KATNBL1: variants seen among roughly 807,000 people sequenced by gnomAD.
KATNBL1 encodes the protein KATNB1-like protein 1.
Under a neutral mutation model 44.7 loss-of-function variants are expected in KATNBL1, and 28 were observed. The ratio of observed to expected loss-of-function variants is 0.63; its 90% confidence interval spans 0.46 to 0.86. The LOEUF is 0.86. KATNBL1 is among the 40% of genes least tolerant of loss of function. The probability of loss-of-function intolerance (pLI) is 0.00; values close to 1 mark genes in which losing one functional copy is unlikely to be tolerated. For synonymous variants in KATNBL1, 78 were observed against 114.9 expected (o/e 0.68, Z 2.06); for missense variants, 272 against 350.7 (o/e 0.78, Z 1.79).
chr15:34,151,436 CTTTTTTTTTTTT>C (rs58824450), intron 4 of KATNBL1, among the ~76,000 whole-genome samples: 39 of 60,706 alleles, frequency 6.4e-4, no homozygotes, highest in African/African-American at 1.7e-3. Flanking sequence ...CCTTTGCCTA[CTTTTTTTTTTTT>C]TTTTTTTTTT....
intron 1 of KATNBL1, among the ~76,000 whole-genome samples, chr15:34,192,526 A>T (rs537425226): frequency 2.1e-4 from 32 of 152,344 alleles, no homozygotes; most frequent in Admixed American, 1.8e-3. Context: ...CTGCAATGAT[A>T]CAGAGAAAAT....
At chr15:34,184,216 G>A (rs1889650068) in intron 1 of KATNBL1, among the ~76,000 whole-genome samples, 1 of 151,916 alleles carries the variant, frequency 6.6e-6, no homozygotes, top group Non-Finnish European at 1.5e-5. Context: ...TGAGGCAGGA[G>A]AATGGCGTGA....
chr15:34,170,269 A>T (rs573235808), intron 1 of KATNBL1, among the ~76,000 whole-genome samples: 10 of 152,358 alleles, frequency 6.6e-5, no homozygotes, highest in African/African-American at 2.4e-4. Flanking sequence ...ATGTGCAAAA[A>T]TCAAAAGCAT....
chr15:34,181,831 CAT>C (rs1428690100), intron 1 of KATNBL1, among the ~76,000 whole-genome samples: 1 of 73,264 alleles, frequency 1.4e-5, no homozygotes, highest in Admixed American at 1.5e-4. Flanking sequence ...CATATATATC[CAT>C]ATATATACAC....
chr15:34,186,113 G>A (rs779431873), intron 1 of KATNBL1, among the ~76,000 whole-genome samples: 19 of 152,088 alleles, frequency 1.2e-4, no homozygotes, highest in African/African-American at 4.3e-4. Flanking sequence ...TTAGTCCCTC[G>A]ATCATGGGGA....
intron 9 of KATNBL1, chr15:34,143,082 A>G (rs1888197588): frequency 1.7e-6 from 2 of 1,156,446 alleles, no homozygotes; most frequent in African/African-American, 1.6e-5. Context: ...AAGTCTCATC[A>G]TAAGGAACTT....
At chr15:34,190,078 G>A (rs914891691) in intron 1 of KATNBL1, among the ~76,000 whole-genome samples, 3 of 151,926 alleles carry the variant, frequency 2.0e-5, no homozygotes, top group Admixed American at 2.0e-4. Context: ...CTGAGTAGCT[G>A]GGACTACAGG....
chr15:34,165,456 GAGA>G (rs368602489), intron 1 of KATNBL1, among the ~76,000 whole-genome samples: 40 of 152,240 alleles, frequency 2.6e-4, no homozygotes, highest in African/African-American at 9.4e-4. Context: ...ACAAAGACAG[GAGA>G]AGTTCAGGTG....
intron 2 of KATNBL1, among the ~76,000 whole-genome samples, chr15:34,156,753 T>C (rs547604147): frequency 1.3e-5 from 2 of 152,268 alleles, no homozygotes; most frequent in South Asian, 2.1e-4. Flanking sequence ...AGAAGGAAAT[T>C]GGCTTAGAGA....
At chr15:34,189,409 A>G (rs28375867) in intron 1 of KATNBL1, among the ~76,000 whole-genome samples, 30,783 of 152,204 alleles carry the variant, frequency 0.2, 3,849 homozygotes, top group African/African-American at 0.35. Flanking sequence ...GCCTCCTTGT[A>G]TAAATCTAAC....
intron 1 of KATNBL1, among the ~76,000 whole-genome samples, chr15:34,175,224 G>C (rs7172633): frequency 0.33 from 49,664 of 151,512 alleles, 8,555 homozygotes; most frequent in African/African-American, 0.45. Context: ...ATGCTTGGAA[G>C]CAGAAGTGTT....
At chr15:34,208,769 C>T (rs192806796) in intron 1 of KATNBL1, 5 of 152,168 alleles carry the variant, frequency 3.3e-5, no homozygotes, top group Admixed American at 6.5e-5. Flanking sequence ...TGTATGTGTA[C>T]ACAAAAGCAC....
intron 1 of KATNBL1, chr15:34,177,685 T>C (rs1412495381): frequency 6.7e-6 from 1 of 148,296 alleles, no homozygotes; most frequent in Non-Finnish European, 1.5e-5. Flanking sequence ...CCACATCTAC[T>C]TAAAATAATG....
intron 1 of KATNBL1, among the ~76,000 whole-genome samples, chr15:34,167,668 AG>A (rs1018182999): frequency 4.6e-5 from 7 of 152,220 alleles, no homozygotes; most frequent in African/African-American, 1.7e-4. Context: ...GTTGAAATGA[AG>A]GGAAAAATGT....
intron 2 of KATNBL1, 57 bp downstream of exon 2, chr15:34,163,503 T>G (rs569979949): frequency 1.9e-6 from 3 of 1,545,466 alleles, no homozygotes; most frequent in South Asian, 1.3e-5. Flanking sequence ...ACCAGAGATA[T>G]CTAGAGACCT....
At chr15:34,145,840 G>A (rs1039725650) in intron 8 of KATNBL1, 9 of 152,284 alleles carry the variant, frequency 5.9e-5, no homozygotes, top group African/African-American at 2.2e-4. Context: ...AAAATTAAAG[G>A]TTATTTAGTT....
At chr15:34,188,568 G>GA (rs1344878979) in intron 1 of KATNBL1, among the ~76,000 whole-genome samples, 1 of 151,976 alleles carries the variant, frequency 6.6e-6, no homozygotes, top group Non-Finnish European at 1.5e-5. Flanking sequence ...AAAGGGGGAA[G>GA]AAAAAAAGTT....
In KATNBL1 at chr15:34,172,256, C is replaced by CTTTTTTTTTTTTT. The variant is rs59733560; in HGVS notation, c.-14-8579_-14-8567dup. Among the ~76,000 whole-genome samples the CTTTTTTTTTTTTT allele has an allele frequency of 1.1e-3, 102 of 96,594 alleles. 1 individual carries two copies. Among genetic ancestry groups the CTTTTTTTTTTTTT allele is most frequent in the Non-Finnish European group, 1.5e-3 (76 of 52,062 alleles). The allele number at this position is 96,594 out of a possible 152,430, so 63.4% of individuals were successfully genotyped here. A position where few individuals can be genotyped will look rare whatever the true frequency, so the allele number is the denominator to read the frequency against. ...ACAGAGTCCTTGGGAGGAACATATT[C>CTTTTTTTTTTTTT]TTTTTTTTTTTTTTTTTTGAGATGG... On this transcript the variant is annotated intron_variant, in intron 1 of 9. Coordinates refer to ENST00000256544, the MANE Select transcript of KATNBL1 (RefSeq NM_024713.3).
intron 1 of KATNBL1, among the ~76,000 whole-genome samples, chr15:34,165,406 A>G (rs1888934896): frequency 6.6e-6 from 1 of 152,226 alleles, no homozygotes. Context: ...ACCTGATTAA[A>G]TGACAATAAA....
Sources: gnomAD v4.1 joint callset for allele counts (sites outside exome capture counted in the v4.1 genomes callset) on GRCh38, gnomAD v4.1.1 for gene constraint, MANE v1.5 for transcripts, NCBI Gene and HGNC (gene_info 2026-07-23, HGNC 2026-07-21) for gene names.